Variants in WASF1 observed in about 807,000 individuals in gnomAD.
WASF1 encodes the protein actin-binding protein WASF1.
In WASF1, 7 loss-of-function variants were observed where a neutral mutation model predicts 50.5. The ratio of observed to expected loss-of-function variants is 0.14; its 90% CI spans 0.08 to 0.26. The LOEUF (loss-of-function observed/expected upper bound fraction) is 0.26, where lower values mean the gene tolerates loss of function less well. Among genes scored for constraint, WASF1 ranks in the 10% least tolerant of loss-of-function variants. The probability of loss-of-function intolerance (pLI) is 1.00; values close to 1 mark genes in which losing one functional copy is unlikely to be tolerated. For synonymous variants in WASF1, 205 were observed against 244.0 expected, an observed-to-expected ratio of 0.84 and a Z score of 1.49; for missense variants, 470 against 694.7, an observed-to-expected ratio of 0.68 and a Z score of 3.64.
Position 110,135,237 on chromosome 6 carries a change from C to G in WASF1, c.-28-7608G>C, listed in dbSNP as rs145884799. ...ATTAATTTTGTATCCTGAAACTTTA[C>G]TGAATTCATTTATCAGTTCTAGCTT... On this transcript the variant is annotated intron_variant, in intron 3 of 10. Coordinates refer to ENST00000392589, the MANE Select transcript of WASF1 (RefSeq NM_003931.3). Among the ~76,000 whole-genome samples, 557 of 152,250 alleles carry G rather than the reference C, an allele frequency of 3.7e-3. 3 individuals are homozygous for G. Among genetic ancestry groups the G allele is most frequent in the Non-Finnish European group, 5.7e-3 (390 of 68,014 alleles).
chr6:110,159,586 A>G (rs1776178086), intron 3 of WASF1, among the ~76,000 whole-genome samples: 1 of 151,906 alleles, frequency 6.6e-6, no homozygotes, highest in African/African-American at 2.4e-5. Context: ...CAAACCAAAT[A>G]AATATCACTA....
chr6:110,144,979 T>C (rs547752068), intron 3 of WASF1, among the ~76,000 whole-genome samples: 1 of 152,280 alleles, frequency 6.6e-6, no homozygotes, highest in African/African-American at 2.4e-5. Flanking sequence ...AAAGTAGTTT[T>C]TTCCAATTCT....
chr6:110,170,107 C>T (rs1776641819), intron 2 of WASF1, among the ~76,000 whole-genome samples: 1 of 152,024 alleles, frequency 6.6e-6, no homozygotes, highest in Non-Finnish European at 1.5e-5. Context: ...ACTAGGACAA[C>T]CACTTACAAA....
At chr6:110,113,604 A>G (rs1773666371) in intron 4 of WASF1, 144 bp from the exon 5 acceptor site, 1 of 741,308 alleles carries the variant, frequency 1.3e-6, no homozygotes, top group African/African-American at 1.8e-5. Flanking sequence ...TAATATTACA[A>G]CTGGTGACCT....
chr6:110,155,521 T>C (rs1218528855), intron 3 of WASF1, among the ~76,000 whole-genome samples: 2 of 149,776 alleles, frequency 1.3e-5, no homozygotes, highest in African/African-American at 4.9e-5. Context: ...GACTACATTA[T>C]TTCTAAAGTG....
Position 110,100,324 on chromosome 6 carries a change from A to C in WASF1, c.*198T>G, listed in dbSNP as rs942264594. ...CAAATTAGTCTTTTCAGGGGGAAAA[A>C]AAAGATAAGCCACTGTAAAACATTT... On this transcript the variant is annotated 3_prime_UTR_variant, in exon 11 of 11. Coordinates refer to ENST00000392589, the MANE Select transcript of WASF1 (RefSeq NM_003931.3). 1 of 524,406 alleles carries C rather than the reference A, an allele frequency of 1.9e-6. No individual in the cohort carries two copies. Among genetic ancestry groups the C allele is most frequent in the Non-Finnish European group, 3.2e-6 (1 of 315,446 alleles). 32.5% of individuals were successfully genotyped at this position (524,406 alleles called of 1,614,324 possible).
At chr6:110,102,533 GTC>G (rs1773140386) in intron 9 of WASF1, among the ~76,000 whole-genome samples, 1 of 152,114 alleles carries the variant, frequency 6.6e-6, no homozygotes, top group Admixed American at 6.5e-5. Context: ...ACTGACAGGA[GTC>G]TCTATAATGA....
intron 3 of WASF1, among the ~76,000 whole-genome samples, chr6:110,129,316 CAAAA>C (rs894941267): frequency 2.0e-5 from 3 of 151,622 alleles, no homozygotes; most frequent in Non-Finnish European, 4.4e-5. Flanking sequence ...AAAAAACAAA[CAAAA>C]AAAATGGTAA....
chr6:110,130,100 C>T (rs1380271376), intron 3 of WASF1, among the ~76,000 whole-genome samples: 2 of 152,200 alleles, frequency 1.3e-5, no homozygotes, highest in Non-Finnish European at 2.9e-5. Context: ...TTAAGTGTTA[C>T]TTATCAACAT....
At position 110,103,531 on chromosome 6, in the gene WASF1, T is replaced by G; in HGVS notation, c.740A>C (p.Asp247Ala). The G allele has an allele frequency of 3.1e-6, 5 of 1,613,586 alleles. No individual in the cohort carries two copies. Among genetic ancestry groups the G allele is most frequent in the Non-Finnish European group, 4.2e-6 (5 of 1,179,678 alleles). ...TRPQTYVDHM[D>A]GSYSLSALPF... is the part of the protein sequence containing the mutation. ...CAAGGCAGAAAGTGAGTAAGATCCATCCATATGATCCACGTATGTCTGAGG... is the reference window on the plus strand; with the variant it reads ...CAAGGCAGAAAGTGAGTAAGATCCAGCCATATGATCCACGTATGTCTGAGG... The change falls in exon 9 of 11, where the codon GAT becomes GCT. Residue 247 changes from aspartate to alanine, a missense_variant. By Grantham distance (126) the Asp-to-Ala change is moderately radical. Around this residue, in one of 3 missense-constraint regions of WASF1, gnomAD observed 294 missense variants for 343.5 expected, o/e 0.86. Coordinates refer to ENST00000392589, the MANE Select transcript of WASF1 (RefSeq NM_003931.3).
At position 110,132,912 on chromosome 6, in the gene WASF1, A is replaced by G. The variant is rs555209321; in HGVS notation, c.-28-5283T>C. ...GTAGTATTCCATGGTGTGTCTGTGT[A>G]TATATATATACATATACACCATGGT... is the stretch of plus-strand genomic sequence containing the variant. On this transcript the variant is annotated intron_variant, in intron 3 of 10. Coordinates refer to ENST00000392589, the MANE Select transcript of WASF1 (RefSeq NM_003931.3). Among the ~76,000 whole-genome samples the G allele has an allele frequency of 1.6e-3, 221 of 141,396 alleles. 1 individual carries two copies. Among genetic ancestry groups the G allele is most frequent in the African/African-American group, 5.4e-3 (204 of 37,896 alleles). The allele number at this position is 141,396 out of a possible 152,430, so 92.8% of individuals were successfully genotyped here.
In WASF1 at chr6:110,107,208, T is replaced by C; in HGVS notation, c.423-14A>G. On this transcript the variant is annotated splice_polypyrimidine_tract_variant and intron_variant, in intron 6 of 10. Coordinates refer to ENST00000392589, the MANE Select transcript of WASF1 (RefSeq NM_003931.3). ...TTACCATCATCTCTGAAATATAAAATATCAATTAAAACACACATTAGTAAG... is the reference window on the plus strand; with the variant it reads ...TTACCATCATCTCTGAAATATAAAACATCAATTAAAACACACATTAGTAAG... 6.6e-7 allele frequency: 1 copy of C among 1,518,244 alleles called. No individual in the cohort carries two copies. Among genetic ancestry groups the C allele is most frequent in the South Asian group, 1.2e-5 (1 of 83,308 alleles). The allele number at this position is 1,518,244 out of a possible 1,614,324, so 94.0% of individuals were successfully genotyped here. A position where few individuals can be genotyped will look rare whatever the true frequency, so the allele number is the denominator to read the frequency against.
intron 3 of WASF1, among the ~76,000 whole-genome samples, chr6:110,155,234 G>A (rs549374392): frequency 1.3e-4 from 19 of 151,992 alleles, no homozygotes; most frequent in African/African-American, 4.1e-4. Flanking sequence ...TTTTGGCCTC[G>A]ATATACCAAT....
chr6:110,101,396 G>A (rs1773077887), intron 10 of WASF1, among the ~76,000 whole-genome samples, 192 bp downstream of exon 10: 1 of 151,950 alleles, frequency 6.6e-6, no homozygotes, highest in Non-Finnish European at 1.5e-5. Context: ...AAAATAAAAT[G>A]GTCAAATGTG....
chr6:110,128,746 G>C (rs1035830965), intron 3 of WASF1, among the ~76,000 whole-genome samples: 2 of 152,134 alleles, frequency 1.3e-5, no homozygotes, highest in African/African-American at 2.4e-5. Context: ...GACCAGTAAC[G>C]GTCAGTGGCC....
At chr6:110,163,873 C>A (rs929128966) in intron 2 of WASF1, among the ~76,000 whole-genome samples, 2 of 151,446 alleles carry the variant, frequency 1.3e-5, no homozygotes, top group African/African-American at 4.8e-5. Flanking sequence ...AAAAATAGTT[C>A]AATGAAACTG....
intron 3 of WASF1, among the ~76,000 whole-genome samples, chr6:110,139,615 T>A (rs1775131746): frequency 6.6e-6 from 1 of 152,114 alleles, no homozygotes; most frequent in Non-Finnish European, 1.5e-5. Context: ...TAGACTTTCT[T>A]CCTCCAGTCT....
intron 4 of WASF1, among the ~76,000 whole-genome samples, chr6:110,116,624 C>A (rs986941180): frequency 6.6e-6 from 1 of 152,244 alleles, no homozygotes; most frequent in African/African-American, 2.4e-5. Context: ...CAGCAGACAG[C>A]TTCTGCAGAC....
intron 3 of WASF1, among the ~76,000 whole-genome samples, chr6:110,145,119 T>A (rs1199177037): frequency 6.6e-6 from 1 of 152,196 alleles, no homozygotes; most frequent in Non-Finnish European, 1.5e-5. Flanking sequence ...TTTGTTTGTA[T>A]CCTCTTTTAT....
Sources: allele counts gnomAD v4.1 joint callset (sites outside exome capture counted in the v4.1 genomes callset), GRCh38; gene constraint gnomAD v4.1.1; regional missense constraint gnomAD v4.1.1; transcripts MANE v1.5; gene names NCBI Gene and HGNC (gene_info 2026-07-23, HGNC 2026-07-21).